The following RBMS1 variants were observed in gnomAD, a reference collection of about 807,000 sequenced individuals.
RBMS1 encodes the protein RNA-binding motif, single-stranded-interacting protein 1.
A neutral mutation model predicts 62.3 loss-of-function variants in RBMS1; 17 were observed. That is an observed-to-expected ratio of 0.27 (90% CI 0.19 to 0.41). RBMS1 has a LOEUF of 0.41. RBMS1 is among the 10% of genes least tolerant of loss of function. The pLI, the probability that RBMS1 is intolerant of heterozygous loss-of-function variation, is 1.00. For synonymous variants in RBMS1, 172 were observed against 170.0 expected (o/e 1.01, Z -0.09); for missense variants, 334 against 504.5 (o/e 0.66, Z 3.24).
intron 1 of RBMS1, among the ~76,000 whole-genome samples, chr2:160,449,137 G>A (rs532885697): frequency 4.2e-4 from 63 of 151,408 alleles, no homozygotes; most frequent in Non-Finnish European, 7.8e-4. Context: ...CCTCCGCCCG[G>A]CAGCCGCCCC....
intron 6 of RBMS1, among the ~76,000 whole-genome samples, chr2:160,291,919 T>C (rs919194062): frequency 3.3e-5 from 5 of 152,250 alleles, no homozygotes; most frequent in Admixed American, 6.5e-5. Context: ...TAATTTTCTA[T>C]ATTTACTACT....
chr2:160,446,821 T>C (rs1683672220), intron 1 of RBMS1, among the ~76,000 whole-genome samples: 1 of 152,212 alleles, frequency 6.6e-6, no homozygotes, highest in Admixed American at 6.5e-5. Context: ...CCACAAAACG[T>C]TCCACATGCT....
At chr2:160,437,138 T>C (rs928239146) in intron 1 of RBMS1, among the ~76,000 whole-genome samples, 4 of 152,062 alleles carry the variant, frequency 2.6e-5, no homozygotes, top group Admixed American at 6.5e-5. Context: ...TATACAGAAA[T>C]AGAATAGCAA....
chr2:160,439,473 C>G (rs1574060770), intron 1 of RBMS1, among the ~76,000 whole-genome samples: 1 of 151,230 alleles, frequency 6.6e-6, no homozygotes, highest in Non-Finnish European at 1.5e-5. Context: ...CGGGCAGAGA[C>G]GCTCCTCACT....
At chr2:160,484,535 G>C (rs1472999812) in intron 1 of RBMS1, among the ~76,000 whole-genome samples, 1 of 150,904 alleles carries the variant, frequency 6.6e-6, no homozygotes, top group Non-Finnish European at 1.5e-5. Context: ...CGCCATCATC[G>C]GATTCTCAAG....
chr2:160,321,965 T>C (rs1358174288), intron 2 of RBMS1, among the ~76,000 whole-genome samples: 11 of 152,240 alleles, frequency 7.2e-5, no homozygotes, highest in Admixed American at 7.2e-4. Context: ...ATGCTTGAAC[T>C]TGAAGAACTT....
At chr2:160,393,776 C>CAA (rs576344303) in intron 1 of RBMS1, among the ~76,000 whole-genome samples, 9 of 83,818 alleles carry the variant, frequency 1.1e-4, no homozygotes, top group Non-Finnish European at 1.3e-4. Flanking sequence ...ACTCCATCTC[C>CAA]AAAAAAAAAA....
chr2:160,421,286 T>C (rs1696413618), intron 1 of RBMS1, among the ~76,000 whole-genome samples: 1 of 151,392 alleles, frequency 6.6e-6, no homozygotes. Context: ...CCTAATGCTA[T>C]TCCCTCCCCC....
chr2:160,305,704 G>A (rs1689464771), intron 4 of RBMS1, among the ~76,000 whole-genome samples: 1 of 152,212 alleles, frequency 6.6e-6, no homozygotes, highest in Admixed American at 6.5e-5. Flanking sequence ...ATGGAAGCAG[G>A]GGAATGATAT....
chr2:160,349,555 G>GAA (rs1692372631), intron 2 of RBMS1, among the ~76,000 whole-genome samples: 1 of 137,502 alleles, frequency 7.3e-6, no homozygotes, highest in Non-Finnish European at 1.6e-5. Context: ...GAGACAGAAA[G>GAA]AGAGAGAGAG....
rs1687695738 is a variant in RBMS1 at position 160,273,924 on chromosome 2, C to T, written c.*848G>A. On this transcript the variant is annotated 3_prime_UTR_variant, in exon 14 of 14. Coordinates refer to ENST00000348849, the MANE Select transcript of RBMS1 (RefSeq NM_016836.4). The stretch of plus-strand genomic sequence containing the variant: ...TTCCCCAGTCAGAAAATGTGTTTCA[C>T]ACAAAACATTTTTCCCTTCTTGCAT... The T allele has an allele frequency of 1.3e-5, 2 of 152,630 alleles. No individual in the cohort carries two copies. Among genetic ancestry groups the T allele is most frequent in the African/African-American group, 4.8e-5 (2 of 41,454 alleles). 9.5% of individuals were successfully genotyped at this position (152,630 alleles called of 1,614,324 possible).
At chr2:160,438,261 CTTT>C (rs67789291) in intron 1 of RBMS1, among the ~76,000 whole-genome samples, 1 of 90,996 alleles carries the variant, frequency 1.1e-5, no homozygotes, top group Non-Finnish European at 2.5e-5. Context: ...TCAATACTTT[CTTT>C]TTTTTTTTTT....
chr2:160,417,715 A>T (rs996755373), intron 1 of RBMS1, among the ~76,000 whole-genome samples: 1 of 152,232 alleles, frequency 6.6e-6, no homozygotes, highest in Non-Finnish European at 1.5e-5. Flanking sequence ...TAGAATCTAT[A>T]AAGCATGGCA....
chr2:160,301,828 T>C (rs913120672), intron 5 of RBMS1, among the ~76,000 whole-genome samples: 1 of 152,228 alleles, frequency 6.6e-6, no homozygotes, highest in Non-Finnish European at 1.5e-5. Context: ...TTTTCTTCTA[T>C]ATAAAACAAC....
rs1213965766 is a variant in RBMS1, at chr2:160,313,178, C to T, written c.380G>A (p.Gly127Glu). ...CACCTTTGCCATTTGAGCTTGAACC[C>T]CACTGGCCTTCAGGGCAGACACAGC... Reference protein sequence around the residue: ...QKAVSALKASGVQAQMAKQQE... With the variant: ...QKAVSALKASEVQAQMAKQQE... Residue 127 changes from glycine to glutamate, a missense_variant, in exon 4 of 14, where the codon GGG (glycine) becomes GAG (glutamate). Gly to Glu is a moderately conservative substitution (Grantham distance 98). Transcript: ENST00000348849. 1 of 1,613,572 alleles carries T rather than the reference C, an allele frequency of 6.2e-7. No individual in the cohort carries two copies.
chr2:160,280,994 G>A (rs1341189032), intron 10 of RBMS1, among the ~76,000 whole-genome samples: 1 of 152,120 alleles, frequency 6.6e-6, no homozygotes, highest in African/African-American at 2.4e-5. Context: ...TGTAAAAAAT[G>A]AGAGCGGTTT....
At chr2:160,340,400 G>C (rs1335944669) in intron 2 of RBMS1, among the ~76,000 whole-genome samples, 1 of 152,034 alleles carries the variant, frequency 6.6e-6, no homozygotes, top group Non-Finnish European at 1.5e-5. Flanking sequence ...CATTTTCCCA[G>C]GAGGTAGAGG....
chr2:160,458,655 G>T (rs944777639), intron 1 of RBMS1, among the ~76,000 whole-genome samples: 32 of 152,246 alleles, frequency 2.1e-4, no homozygotes, highest in African/African-American at 7.5e-4. Flanking sequence ...AAATGAACTG[G>T]GCGTGGTGGC....
intron 1 of RBMS1, among the ~76,000 whole-genome samples, chr2:160,379,184 A>G (rs1694154735): frequency 6.6e-6 from 1 of 151,264 alleles, no homozygotes; most frequent in African/African-American, 2.4e-5. Context: ...GCACCATTGC[A>G]CCCCAGCTTG....
Sources: gnomAD v4.1 joint callset for allele counts (sites outside exome capture counted in the v4.1 genomes callset) on GRCh38, gnomAD v4.1.1 for gene constraint, MANE v1.5 for transcripts, NCBI Gene and HGNC (gene_info 2026-07-23, HGNC 2026-07-21) for gene names.